Variants in SNX29 observed in about 807,000 individuals in gnomAD.
The protein encoded by SNX29 is sorting nexin-29.
A neutral mutation model predicts 102.1 loss-of-function variants in SNX29; 78 were observed. That is an observed-to-expected ratio of 0.76 (90% CI 0.64 to 0.92). The LOEUF is 0.92. Among genes scored for constraint, SNX29 ranks in the 40% least tolerant of loss-of-function variants. The pLI is 0.00. For synonymous variants in SNX29, 580 were observed against 414.5 expected (o/e 1.40, Z -4.85); for missense variants, 1,280 against 1,061.7 (o/e 1.21, Z -2.86).
chr16:12,071,602 G>T (rs1028841956), intron 10 of SNX29, among the ~76,000 whole-genome samples: 1 of 152,158 alleles, frequency 6.6e-6, no homozygotes, highest in Admixed American at 6.6e-5. Context: ...GTCCGGTAGC[G>T]TGATGCCTCC....
intron 13 of SNX29, among the ~76,000 whole-genome samples, chr16:12,190,963 A>G (rs1394018993): frequency 6.6e-6 from 1 of 152,066 alleles, no homozygotes. Context: ...CAGACCTCTT[A>G]GGATTGATTG....
chr16:12,564,472 T>C (rs1567213746), intron 20 of SNX29, among the ~76,000 whole-genome samples: 6 of 152,354 alleles, frequency 3.9e-5, no homozygotes, highest in African/African-American at 1.4e-4. Flanking sequence ...AGGTTATGGA[T>C]CTTTCTCCAA....
At chr16:12,012,912 C>A (rs1010275148) in intron 3 of SNX29, among the ~76,000 whole-genome samples, 1 of 151,490 alleles carries the variant, frequency 6.6e-6, no homozygotes, top group Non-Finnish European at 1.5e-5. Flanking sequence ...GTACCTACAG[C>A]GTAGTATGGT....
At chr16:12,002,372 C>T (rs185410663) in intron 2 of SNX29, among the ~76,000 whole-genome samples, 3 of 149,248 alleles carry the variant, frequency 2.0e-5, no homozygotes, top group Non-Finnish European at 4.4e-5. Flanking sequence ...GGCTTGAACC[C>T]GGGAGGCAGA....
intron 18 of SNX29, among the ~76,000 whole-genome samples, chr16:12,476,201 A>C (rs2151812347): frequency 6.7e-6 from 1 of 149,754 alleles, no homozygotes; most frequent in South Asian, 2.2e-4. Context: ...GGGCATCTGT[A>C]ATCCCAGCTA....
chr16:12,516,422 G>C (rs1440789508), intron 19 of SNX29, among the ~76,000 whole-genome samples: 4 of 149,554 alleles, frequency 2.7e-5, no homozygotes, highest in Non-Finnish European at 5.9e-5. Flanking sequence ...CAGGGCTGCA[G>C]TGAGCCATGA....
At chr16:12,170,573 G>T (rs78554476) in intron 13 of SNX29, among the ~76,000 whole-genome samples, 2,657 of 151,950 alleles carry the variant, frequency 0.017, 75 homozygotes, top group African/African-American at 0.061. Flanking sequence ...GGGGCTGTGG[G>T]GGTGGAGAAG....
At chr16:12,074,036 A>G (rs1163915295) in intron 10 of SNX29, among the ~76,000 whole-genome samples, 1 of 151,660 alleles carries the variant, frequency 6.6e-6, no homozygotes, top group Non-Finnish European at 1.5e-5. Flanking sequence ...CTCTTCCTCC[A>G]TCCTTTTATT....
intron 18 of SNX29, among the ~76,000 whole-genome samples, chr16:12,436,473 A>T (rs576909210): frequency 6.6e-6 from 1 of 152,336 alleles, no homozygotes; most frequent in Admixed American, 6.5e-5. Flanking sequence ...TCCCTGCCAG[A>T]TGCCATTTCA....
At chr16:12,438,797 C>T (rs1445439630) in intron 18 of SNX29, among the ~76,000 whole-genome samples, 3 of 152,146 alleles carry the variant, frequency 2.0e-5, no homozygotes, top group Non-Finnish European at 4.4e-5. Context: ...TGGAGCTAAC[C>T]AGGTGTAGGG....
At chr16:12,237,683 G>A (rs1260683954) in intron 14 of SNX29, among the ~76,000 whole-genome samples, 1 of 150,596 alleles carries the variant, frequency 6.6e-6, no homozygotes, top group Non-Finnish European at 1.5e-5. Flanking sequence ...GAGGTGGATG[G>A]ATCACCTGAG....
chr16:12,325,621 GTTC>G (rs2081090012), intron 15 of SNX29, among the ~76,000 whole-genome samples: 2 of 152,098 alleles, frequency 1.3e-5, no homozygotes, highest in South Asian at 2.1e-4. Context: ...CACTTTGCTG[GTTC>G]TTCTTATTTA....
chr16:12,403,874 C>G (rs989700846), intron 18 of SNX29, among the ~76,000 whole-genome samples: 1 of 152,180 alleles, frequency 6.6e-6, no homozygotes, highest in African/African-American at 2.4e-5. Flanking sequence ...GACCTGCCAT[C>G]AGGAACCTGC....
chr16:12,131,950 C>T lies in SNX29; in HGVS notation c.1595+2192C>T, dbSNP rs564797657. Among the ~76,000 whole-genome samples the T allele has an allele frequency of 5.3e-5, 8 of 152,306 alleles. 1 individual carries two copies. The South Asian group carries it at 1.7e-3, about 32-fold the overall frequency. ...CTGTTATAAATAGTGTAAAATGTGC[C>T]TAGTTCGGCATTTTCTCACCTGGAC... On this transcript the variant is annotated intron_variant, in intron 13 of 20. Coordinates refer to ENST00000566228, the MANE Select transcript of SNX29 (RefSeq NM_032167.5).
chr16:12,483,643 G>A (rs941385854), intron 19 of SNX29, among the ~76,000 whole-genome samples: 1 of 152,116 alleles, frequency 6.6e-6, no homozygotes. Flanking sequence ...ACAGGTGTGG[G>A]GTTTGTTTAG....
intron 19 of SNX29, among the ~76,000 whole-genome samples, chr16:12,502,986 ATG>A (rs2089197258): frequency 1.3e-5 from 2 of 152,218 alleles, no homozygotes; most frequent in African/African-American, 4.8e-5. Flanking sequence ...GTTTAAGACT[ATG>A]TGCCTTTCTG....
intron 15 of SNX29, among the ~76,000 whole-genome samples, chr16:12,355,843 T>TAAAAAAAA (rs56358290): frequency 1.5e-4 from 13 of 85,574 alleles, no homozygotes; most frequent in East Asian, 9.7e-4. Flanking sequence ...GAGATCTTAT[T>TAAAAAAAA]AAAAAAAAAA....
At chr16:12,547,152 G>C (rs189677243) in intron 20 of SNX29, among the ~76,000 whole-genome samples, 300 of 152,364 alleles carry the variant, frequency 2.0e-3, no homozygotes, top group African/African-American at 6.9e-3. Context: ...AAAGAAGCCT[G>C]CTGGGGATGT....
chr16:12,474,829 G>T (rs2087515906), intron 18 of SNX29, among the ~76,000 whole-genome samples: 1 of 152,188 alleles, frequency 6.6e-6, no homozygotes. Context: ...TCCTTGGAAG[G>T]TGCTAGGGCC....
Sources: allele counts gnomAD v4.1 joint callset (sites outside exome capture counted in the v4.1 genomes callset), GRCh38; gene constraint gnomAD v4.1.1; transcripts MANE v1.5; gene names NCBI Gene and HGNC (gene_info 2026-07-23, HGNC 2026-07-21).